BRD3: variants seen among roughly 807,000 people sequenced by gnomAD.
BRD3 encodes the protein bromodomain-containing protein 3.
BRD3 carries 17 observed loss-of-function variants against 66.8 expected under a neutral mutation model. That is an observed-to-expected ratio of 0.25 (90% CI 0.17 to 0.38). BRD3 has a LOEUF of 0.38. Among genes scored for constraint, BRD3 ranks in the 10% least tolerant of loss-of-function variants. The pLI, the probability that BRD3 is intolerant of heterozygous loss-of-function variation, is 1.00. For synonymous variants in BRD3, 421 were observed against 393.2 expected (o/e 1.07, Z -0.84); for missense variants, 713 against 956.1 (o/e 0.75, Z 3.35).
chr9:134,064,998 C>T (rs1008810405), intron 1 of BRD3, among the ~76,000 whole-genome samples: 2 of 152,220 alleles, frequency 1.3e-5, no homozygotes, highest in Non-Finnish European at 2.9e-5. Context: ...AACAAGGGGG[C>T]GGAGCCACAG....
intron 1 of BRD3, among the ~76,000 whole-genome samples, chr9:134,065,891 T>A (rs1210439434): frequency 6.6e-6 from 1 of 152,202 alleles, no homozygotes; most frequent in African/African-American, 2.4e-5. Context: ...TAGCACCGGC[T>A]GCAGCAGGCC....
Position 134,031,042 on chromosome 9 carries a change from C to T in BRD3, c.*2548G>A, listed in dbSNP as rs1217359688. 4.3e-6 allele frequency: 1 copy of T among 230,624 alleles called. No individual in the cohort carries two copies. The highest frequency in any genetic ancestry group is 2.2e-5 in the African/African-American group (1 of 45,172). 14.3% of individuals were successfully genotyped at this position (230,624 alleles called of 1,614,324 possible). Reference sequence around the variant, plus strand: ...AAGGGCGCTGAGGAAGTCATTAATCCTTCGAAACTCTGAAAAGAAACCAGT... The same window carrying T: ...AAGGGCGCTGAGGAAGTCATTAATCTTTCGAAACTCTGAAAAGAAACCAGT... On this transcript the variant is annotated 3_prime_UTR_variant, in exon 12 of 12. Coordinates refer to ENST00000303407, the MANE Select transcript of BRD3 (RefSeq NM_007371.4).
chr9:134,059,273 G>A (rs556991807), intron 1 of BRD3, among the ~76,000 whole-genome samples: 50 of 152,294 alleles, frequency 3.3e-4, no homozygotes, highest in African/African-American at 1.0e-3. Flanking sequence ...CCAGCACCCC[G>A]TTCCTCAACA....
At position 134,036,179 on chromosome 9, in the gene BRD3, G is replaced by A. The variant is rs1829907428; in HGVS notation, c.1789C>T (p.His597Tyr). Residue 597 changes from histidine to tyrosine, a missense_variant, in exon 10 of 12, where the codon CAC (histidine) becomes TAC (tyrosine). Around this residue, in one of 5 missense-constraint regions of BRD3, gnomAD observed 418 missense variants for 609.3 expected, o/e 0.69. Transcript: ENST00000303407. ...LPGEKLGRVVHIIQSREPSLR... is the reference protein window; with the variant it reads ...LPGEKLGRVVYIIQSREPSLR... ...GAGGGCTCCCGAGATTGGATGATGT[G>A]CACTACCCGGCCCAGCTTCTCCCCG... 1 of 1,614,232 alleles carries A rather than the reference G, an allele frequency of 6.2e-7. No individual in the cohort carries two copies.
chr9:134,061,457 C>T (rs1207867972), intron 1 of BRD3, among the ~76,000 whole-genome samples: 1 of 152,200 alleles, frequency 6.6e-6, no homozygotes. Flanking sequence ...AGGGGCTCAA[C>T]CAGACCTGCC....
intron 7 of BRD3, among the ~76,000 whole-genome samples, chr9:134,042,608 G>T (rs1564550424): frequency 6.6e-6 from 1 of 151,398 alleles, no homozygotes; most frequent in South Asian, 2.1e-4. Flanking sequence ...CTGCACTCCA[G>T]CCTGGGTGAC....
Position 134,045,503 on chromosome 9 carries a change from G to C in BRD3, c.1087-82C>G. On this transcript the variant is annotated intron_variant, in intron 6 of 11. Coordinates refer to ENST00000303407, the MANE Select transcript of BRD3 (RefSeq NM_007371.4). This position sits in a 1 kb window ranked among gnomAD's most constrained non-coding sequence, Gnocchi z 4.8. ...GCCACACCCCACGAGATGAACTCTG[G>C]AGCCTCAGGAGCCACTGCCAGCTCC... 6.3e-7 allele frequency: 1 copy of C among 1,578,516 alleles called. No individual in the cohort carries two copies. The highest frequency in any genetic ancestry group is 8.6e-7 in the Non-Finnish European group (1 of 1,156,756).
At chr9:134,039,904 C>A in intron 9 of BRD3, 130 bp downstream of exon 9, 9 of 1,457,618 alleles carry the variant, frequency 6.2e-6, no homozygotes, top group Non-Finnish European at 7.2e-6. Context: ...CCCTCTGTCT[C>A]CCTGCCCCCA....
At chr9:134,036,618 C>T (rs1015110434) in intron 9 of BRD3, 1 of 1,533,886 alleles carries the variant, frequency 6.5e-7, no homozygotes, top group Non-Finnish European at 9.0e-7. Flanking sequence ...CAAAAGAAGG[C>T]AAAAAAGGGG....
chr9:134,062,658 C>T (rs982007470), intron 1 of BRD3, among the ~76,000 whole-genome samples: 5 of 152,230 alleles, frequency 3.3e-5, no homozygotes, highest in African/African-American at 1.2e-4. Context: ...TCAAAGGACG[C>T]TCTACCCCCG....
In BRD3 at chr9:134,050,420, G is replaced by A. The variant is rs1441975422; in HGVS notation, c.668C>T (p.Ala223Val). The A allele has an allele frequency of 2.2e-5, 36 of 1,612,040 alleles. No individual in the cohort carries two copies. Among genetic ancestry groups the A allele is most frequent in the Non-Finnish European group, 2.9e-5 (34 of 1,179,568 alleles). Residue 223 changes from alanine (A) to valine (V), a missense_variant, in exon 5 of 12, where the codon GCC becomes GTC. Ala to Val is a moderately conservative substitution (Grantham distance 64, BLOSUM62 0). Coordinates refer to ENST00000303407, the MANE Select transcript of BRD3 (RefSeq NM_007371.4). ...VPPAAAPPPP[A>V]TPIVPVVPPT... ...AGGGACCACGGGGACGATGGGTGTGGCAGGAGGAGGTGGGGCGGCAGCTGG... is the reference window on the plus strand; with the variant it reads ...AGGGACCACGGGGACGATGGGTGTGACAGGAGGAGGTGGGGCGGCAGCTGG...
chr9:134,041,616 C>G (rs909362912), intron 8 of BRD3, 144 bp downstream of exon 8: 2 of 1,135,392 alleles, frequency 1.8e-6, no homozygotes, highest in South Asian at 3.1e-5. Context: ...GAGGGCACTC[C>G]GAGTGTCTTT....
At chr9:134,044,691 A>ACACACGCACACACGTC (rs2132406638) in intron 7 of BRD3, among the ~76,000 whole-genome samples, 1 of 152,304 alleles carries the variant, frequency 6.6e-6, no homozygotes, top group South Asian at 2.1e-4. Flanking sequence ...GCAGGAGCAC[A>ACACACGCACACACGTC]CACACGCACA....
intron 1 of BRD3, among the ~76,000 whole-genome samples, chr9:134,064,999 G>A (rs1298813032): frequency 4.6e-5 from 7 of 152,358 alleles, no homozygotes; most frequent in African/African-American, 1.2e-4. Flanking sequence ...ACAAGGGGGC[G>A]GAGCCACAGG....
chr9:134,053,729 C>G (rs1830353582), intron 1 of BRD3, 139 bp from the exon 2 acceptor site: 6 of 719,072 alleles, frequency 8.3e-6, no homozygotes, highest in Admixed American at 3.4e-5. Flanking sequence ...ATTGCCCAGC[C>G]ACCCAGGTGA....
chr9:134,048,564 C>T (rs1019362996), intron 5 of BRD3, 110 bp from the exon 6 acceptor site: 12 of 1,509,084 alleles, frequency 8.0e-6, no homozygotes, highest in African/African-American at 2.7e-5. Flanking sequence ...CTGGGCTAAG[C>T]GGCCACATGC....
At position 134,033,798 on chromosome 9, in the gene BRD3, TGG is replaced by T. The variant is rs1480138737; in HGVS notation, c.2066-95_2066-94del. The T allele has an allele frequency of 3.2e-6, 2 of 634,542 alleles. No individual in the cohort carries two copies. The highest frequency in any genetic ancestry group is 5.7e-6 in the Non-Finnish European group (2 of 348,570). The allele number at this position is 634,542 out of a possible 1,614,324, so 39.3% of individuals were successfully genotyped here. ...CCATGCCAGCGTGACACCATCACAC[TGG>T]GTGCCACGACCCACCCACTTCCTGA... On this transcript the variant is annotated intron_variant, in intron 11 of 11. Coordinates refer to ENST00000303407, the MANE Select transcript of BRD3 (RefSeq NM_007371.4). This position sits in a 1 kb window ranked among gnomAD's most constrained non-coding sequence, Gnocchi z 5.1.
chr9:134,041,981 C>G (rs772545443), intron 7 of BRD3, 30 bp from the exon 8 acceptor site: 4 of 1,527,482 alleles, frequency 2.6e-6, no homozygotes, highest in Non-Finnish European at 3.5e-6. Context: ...GCCCTGAAGA[C>G]ATGGGTGCCC....
intron 7 of BRD3, among the ~76,000 whole-genome samples, chr9:134,042,189 G>A (rs571532074): frequency 2.2e-4 from 33 of 152,268 alleles, no homozygotes; most frequent in African/African-American, 7.7e-4. Flanking sequence ...ACAGGAGCTG[G>A]CCCACAGCTC....
Sources: allele counts gnomAD v4.1 joint callset (sites outside exome capture counted in the v4.1 genomes callset), GRCh38; gene constraint gnomAD v4.1.1; regional missense constraint gnomAD v4.1.1; non-coding constraint Gnocchi (gnomAD v3.1); transcripts MANE v1.5; gene names NCBI Gene and HGNC (gene_info 2026-07-23, HGNC 2026-07-21).